The following DDX4 variants were observed in gnomAD, a reference collection of about 807,000 sequenced individuals.
The protein encoded by DDX4 is DEAD-box helicase 4.
DDX4 carries 25 observed loss-of-function variants against 100.0 expected under a neutral mutation model. That is an observed-to-expected ratio of 0.25 (90% CI 0.18 to 0.35). The LOEUF (loss-of-function observed/expected upper bound fraction) is 0.35. Ranked by LOEUF, DDX4 falls within the 10% of genes least tolerant of loss-of-function variation. The pLI is 1.00. For missense variants in DDX4, 635 were observed against 882.4 expected (o/e 0.72, Z 3.55); for synonymous variants, 259 against 275.7 (o/e 0.94, Z 0.60).
At position 55,798,410 on chromosome 5, in the gene DDX4, T is replaced by A. The variant is rs568643353; in HGVS notation, c.1470-16T>A. 54 of 1,607,952 alleles carry A rather than the reference T, an allele frequency of 3.4e-5. 2 individuals carry two copies. The South Asian group carries it at 5.7e-4, about 17-fold the overall frequency. ...GAGAGGAGGATAAGTTAAAGAATAA[T>A]CTTTTGTTTTTCAAGGTTGGCTGCA... On this transcript the variant is annotated splice_polypyrimidine_tract_variant and intron_variant, in intron 17 of 21. Coordinates refer to ENST00000505374, the MANE Select transcript of DDX4 (RefSeq NM_024415.3).
At position 55,764,012 on chromosome 5, in the gene DDX4, A is replaced by G; in HGVS notation, c.284-2A>G. On this transcript the variant is annotated splice_acceptor_variant, in intron 5 of 21. Transcript: ENST00000505374. LOFTEE classifies it high-confidence loss of function. ...AATTGTTTCATTTTATATTTTGTAT[A>G]GGTTTTTCAAACAGCAGGTTTGAAG... 6.2e-7 allele frequency: 1 copy of G among 1,602,648 alleles called. No homozygotes were observed. The highest frequency in any genetic ancestry group is 8.5e-7 in the Non-Finnish European group (1 of 1,169,912).
intron 7 of DDX4, among the ~76,000 whole-genome samples, chr5:55,769,869 CTT>C (rs113402904): frequency 8.5e-5 from 12 of 141,374 alleles, no homozygotes; most frequent in Admixed American, 7.1e-5. Flanking sequence ...CCTTCTTTTA[CTT>C]TTTTTTTTTT....
chr5:55,810,450 G>A (rs1284164970), intron 18 of DDX4, among the ~76,000 whole-genome samples: 2 of 151,992 alleles, frequency 1.3e-5, no homozygotes, highest in South Asian at 2.1e-4. Flanking sequence ...TTTGCAGTAC[G>A]TTTATCACTT....
intron 3 of DDX4, among the ~76,000 whole-genome samples, chr5:55,759,238 G>A (rs945735685): frequency 7.9e-5 from 12 of 151,784 alleles, no homozygotes; most frequent in Non-Finnish European, 1.3e-4. Flanking sequence ...TTCTTGTTGA[G>A]ATGGCTATTA....
At chr5:55,774,467 ACCT>A (rs1233640041) in intron 7 of DDX4, among the ~76,000 whole-genome samples, 1 of 151,370 alleles carries the variant, frequency 6.6e-6, no homozygotes, top group East Asian at 1.9e-4. Context: ...ATGTTTAATA[ACCT>A]CCTGTGGGTT....
rs767440080 is a variant in DDX4 at position 55,792,760 on chromosome 5, G to A, written c.1422G>A (p.Gln474=). The change falls in exon 17 of 22, where the codon CAG becomes CAA. Residue 474 remains glutamine (Q), a synonymous_variant. Coordinates refer to ENST00000505374, the MANE Select transcript of DDX4 (RefSeq NM_024415.3). The part of the protein sequence containing the change: ...ISCPGMPSKE[Q]RQTLMFSATF... ...GCCCAGGAATGCCATCAAAGGAACA[G>A]CGCCAAACCCTTATGTTCAGTGCAA... 18 of 1,584,940 alleles carry A rather than the reference G, an allele frequency of 1.1e-5. No homozygotes were observed. The South Asian group carries it at 1.9e-4, about 16-fold the overall frequency.
At chr5:55,790,166 A>G (rs537339471) in intron 15 of DDX4, among the ~76,000 whole-genome samples, 3 of 117,280 alleles carry the variant, frequency 2.6e-5, no homozygotes, top group Non-Finnish European at 3.3e-5. Context: ...TTTTTTTAAG[A>G]TGGAGACTCG....
chr5:55,749,598 T>G (rs1372759882), intron 3 of DDX4, among the ~76,000 whole-genome samples: 1 of 152,132 alleles, frequency 6.6e-6, no homozygotes, highest in Admixed American at 6.6e-5. Flanking sequence ...TCCTCTAGTC[T>G]CTGAGATTTA....
chr5:55,772,853 T>A (rs1741336454), intron 7 of DDX4, among the ~76,000 whole-genome samples: 1 of 152,172 alleles, frequency 6.6e-6, no homozygotes, highest in African/African-American at 2.4e-5. Context: ...TTGAGCCAAA[T>A]AAACCTTTTT....
chr5:55,759,710 G>A (rs1412605708), intron 3 of DDX4, among the ~76,000 whole-genome samples: 1 of 152,044 alleles, frequency 6.6e-6, no homozygotes, highest in Non-Finnish European at 1.5e-5. Context: ...TGTCTGTCTG[G>A]ATAACCATGT....
intron 18 of DDX4, among the ~76,000 whole-genome samples, chr5:55,809,710 G>C (rs1743995413): frequency 6.6e-6 from 1 of 152,196 alleles, no homozygotes; most frequent in African/African-American, 2.4e-5. Flanking sequence ...TTCACCTGTA[G>C]ATGTAGAATA....
chr5:55,800,005 C>A (rs1396291091), intron 18 of DDX4, among the ~76,000 whole-genome samples: 1 of 152,148 alleles, frequency 6.6e-6, no homozygotes, highest in Non-Finnish European at 1.5e-5. Context: ...CTTTTAAAAA[C>A]CAAATACTCA....
At chr5:55,813,635 T>A in intron 18 of DDX4, 38 bp from the exon 19 acceptor site, 1 of 1,512,804 alleles carries the variant, frequency 6.6e-7, no homozygotes, top group Non-Finnish European at 8.8e-7. Context: ...ATTTCCTGAT[T>A]TTGAAGTTTG....
intron 7 of DDX4, among the ~76,000 whole-genome samples, chr5:55,778,684 A>G (rs1424126382): frequency 6.6e-6 from 1 of 152,184 alleles, no homozygotes; most frequent in African/African-American, 2.4e-5. Context: ...ACCTGAGGTC[A>G]GGAGTTCCAG....
At chr5:55,796,441 T>C (rs1054949779) in intron 17 of DDX4, among the ~76,000 whole-genome samples, 1 of 152,264 alleles carries the variant, frequency 6.6e-6, no homozygotes, top group Non-Finnish European at 1.5e-5. Flanking sequence ...AGTGGCTTTT[T>C]AACCTGTCTC....
intron 18 of DDX4, among the ~76,000 whole-genome samples, chr5:55,811,200 C>A (rs1266349569): frequency 6.6e-6 from 1 of 152,004 alleles, no homozygotes; most frequent in African/African-American, 2.4e-5. Flanking sequence ...AACTGAGTGA[C>A]CTTTGCTAGA....
At position 55,767,940 on chromosome 5, in the gene DDX4, G is replaced by A. The variant is rs1430463126; in HGVS notation, c.394G>A (p.Gly132Ser). ...GAACAGAGGGTTTTCCAAGAGAGGC[G>A]GTAAGGACCACATTTTGGAACAATT... ...TRNRGFSKRG[G>S]YRDGNNSEAS... The change falls in exon 7 of 22, where the codon GGC (glycine) becomes AGC (serine). Residue 132 changes from glycine (G) to serine (S), a missense_variant and splice_region_variant. Physicochemically the swap from Gly to Ser is moderately conservative, Grantham distance 56. This residue lies in a region of DDX4 where 446 missense variants were observed against 540.8 expected (regional missense o/e 0.82). Transcript: ENST00000505374. The A allele has an allele frequency of 6.2e-7, 1 of 1,613,510 alleles. No individual in the cohort carries two copies. The highest frequency in any genetic ancestry group is 1.1e-5 in the South Asian group (1 of 91,084).
At chr5:55,784,785 G>A (rs1010270607) in intron 10 of DDX4, among the ~76,000 whole-genome samples, 3 of 152,166 alleles carry the variant, frequency 2.0e-5, no homozygotes, top group African/African-American at 7.2e-5. Context: ...TACATGTGTT[G>A]TCACAGCTCA....
chr5:55,762,403 G>A (rs1048491282), intron 4 of DDX4, among the ~76,000 whole-genome samples: 1 of 152,072 alleles, frequency 6.6e-6, no homozygotes, highest in East Asian at 1.9e-4. Context: ...GTATGCTGTG[G>A]GAATGTGGAA....
Sources: allele counts gnomAD v4.1 joint callset (sites outside exome capture counted in the v4.1 genomes callset), GRCh38; gene constraint gnomAD v4.1.1; regional missense constraint gnomAD v4.1.1; transcripts MANE v1.5; gene names NCBI Gene and HGNC (gene_info 2026-07-23, HGNC 2026-07-21).